Variants in PPM1H observed in about 807,000 individuals in gnomAD.
PPM1H encodes the protein protein phosphatase 1H.
Under a neutral mutation model 54.9 loss-of-function variants are expected in PPM1H, and 27 were observed. The observed-to-expected ratio is 0.49, with a 90% CI of 0.36 to 0.68. The LOEUF is 0.68. Ranked by LOEUF, PPM1H falls within the 30% of genes least tolerant of loss-of-function variation. The pLI is 0.00. For missense variants in PPM1H, 596 were observed against 667.8 expected, an observed-to-expected ratio of 0.89 and a Z score of 1.19; for synonymous variants, 305 against 270.8, an observed-to-expected ratio of 1.13 and a Z score of -1.24.
At chr12:62,933,487 T>C (rs111836943) in intron 1 of PPM1H, among the ~76,000 whole-genome samples, 3 of 152,040 alleles carry the variant, frequency 2.0e-5, no homozygotes, top group Non-Finnish European at 4.4e-5. Context: ...ACCGAGGGGA[T>C]GGGGTTAAAG....
At chr12:62,726,859 T>C (rs896174945) in intron 5 of PPM1H, among the ~76,000 whole-genome samples, 2 of 152,190 alleles carry the variant, frequency 1.3e-5, no homozygotes, top group Non-Finnish European at 2.9e-5. Context: ...CCATAAGCAA[T>C]AAGCCCAAAG....
chr12:62,741,242 T>G (rs1003480876), intron 4 of PPM1H, among the ~76,000 whole-genome samples: 1 of 151,154 alleles, frequency 6.6e-6, no homozygotes, highest in African/African-American at 2.4e-5. Context: ...AGATTTCACC[T>G]CCTCAGCAGC....
At chr12:62,841,423 C>T (rs545610846) in intron 1 of PPM1H, among the ~76,000 whole-genome samples, 56 of 152,282 alleles carry the variant, frequency 3.7e-4, no homozygotes, top group African/African-American at 1.1e-3. Context: ...CAGCCACATT[C>T]GTTCATTTAC....
At chr12:62,654,246 C>T (rs1191543593) in intron 9 of PPM1H, among the ~76,000 whole-genome samples, 1 of 99,974 alleles carries the variant, frequency 1.0e-5, no homozygotes, top group Non-Finnish European at 2.2e-5. Flanking sequence ...AAAAAAGCAA[C>T]ACCTGAAGCA....
chr12:62,684,171 A>C (rs1466110669), intron 8 of PPM1H, among the ~76,000 whole-genome samples: 1 of 152,174 alleles, frequency 6.6e-6, no homozygotes, highest in Non-Finnish European at 1.5e-5. Flanking sequence ...GCTGTTAGGC[A>C]GAAAAAACCA....
chr12:62,884,501 C>CAAAAA (rs6144736), intron 1 of PPM1H, among the ~76,000 whole-genome samples: 39 of 89,644 alleles, frequency 4.4e-4, no homozygotes, highest in Middle Eastern at 5.8e-3. Flanking sequence ...AACTCCATAT[C>CAAAAA]AAAAAAAAAA....
chr12:62,922,956 T>C (rs1011227715), intron 1 of PPM1H, among the ~76,000 whole-genome samples: 1 of 152,208 alleles, frequency 6.6e-6, no homozygotes, highest in Non-Finnish European at 1.5e-5. Context: ...AATGGGAGCA[T>C]AGCAAAGAGA....
Position 62,802,135 on chromosome 12 carries a change from T to C in PPM1H, c.437A>G (p.Tyr146Cys), listed in dbSNP as rs374889057. The C allele has an allele frequency of 3.9e-5, 61 of 1,577,664 alleles. No individual in the cohort carries two copies. In the African/African-American group the frequency reaches 6.8e-4, roughly 17 times the overall value. Reference protein sequence around the residue: ...NSESEGVSCHYWSLFDGHAGS... With the variant: ...NSESEGVSCHCWSLFDGHAGS... ...CGCGTGCCCGTCAAACAGCGACCAA[T>C]AGTGGCAGGAAACACCCTCGGATTC... The change falls in exon 3 of 10, where the codon TAT (tyrosine) becomes TGT (cysteine). Residue 146 changes from tyrosine to cysteine, a missense_variant. By Grantham distance (194) the Tyr-to-Cys change is radical (BLOSUM62 -2). Transcript: ENST00000228705.
intron 6 of PPM1H, among the ~76,000 whole-genome samples, chr12:62,708,544 A>G (rs1266444256): frequency 6.6e-6 from 1 of 152,282 alleles, no homozygotes; most frequent in East Asian, 1.9e-4. Flanking sequence ...TGGACACAGG[A>G]AAATGTTTCC....
At chr12:62,721,627 G>C (rs2076264239) in intron 5 of PPM1H, among the ~76,000 whole-genome samples, 1 of 152,128 alleles carries the variant, frequency 6.6e-6, no homozygotes, top group Admixed American at 6.5e-5. Context: ...AGGAATGAAG[G>C]GAACTAACAC....
intron 5 of PPM1H, among the ~76,000 whole-genome samples, chr12:62,734,894 A>G (rs2076342504): frequency 6.6e-6 from 1 of 152,148 alleles, no homozygotes; most frequent in African/African-American, 2.4e-5. Flanking sequence ...AAAGAAAAAA[A>G]TAATTAGCCA....
At chr12:62,807,228 G>T (rs890021250) in intron 2 of PPM1H, among the ~76,000 whole-genome samples, 1 of 151,696 alleles carries the variant, frequency 6.6e-6, no homozygotes, top group African/African-American at 2.4e-5. Flanking sequence ...TAGCATAAGT[G>T]TAACAAAAAA....
chr12:62,691,182 A>T (rs1476022666), intron 7 of PPM1H, among the ~76,000 whole-genome samples: 1 of 152,186 alleles, frequency 6.6e-6, no homozygotes, highest in African/African-American at 2.4e-5. Context: ...GCATCAAGAC[A>T]GGCGACACAG....
chr12:62,666,647 A>C (rs561686503), intron 9 of PPM1H, among the ~76,000 whole-genome samples: 1 of 152,108 alleles, frequency 6.6e-6, no homozygotes, highest in African/African-American at 2.4e-5. Context: ...CTAAACAAAC[A>C]CTCAAATTCT....
chr12:62,800,570 C>T (rs1200485830), intron 3 of PPM1H, among the ~76,000 whole-genome samples: 1 of 152,132 alleles, frequency 6.6e-6, no homozygotes, highest in East Asian at 1.9e-4. Context: ...AACTCCTGAC[C>T]TTGCGATCCA....
At chr12:62,669,749 T>C (rs1304760850) in intron 8 of PPM1H, among the ~76,000 whole-genome samples, 8 of 151,940 alleles carry the variant, frequency 5.3e-5, no homozygotes, top group Admixed American at 4.6e-4. Flanking sequence ...CTGGGCAACA[T>C]AGTGAGATCC....
At chr12:62,693,557 C>T (rs889510687) in intron 7 of PPM1H, among the ~76,000 whole-genome samples, 1 of 152,220 alleles carries the variant, frequency 6.6e-6, no homozygotes, top group Non-Finnish European at 1.5e-5. Flanking sequence ...GTCCCAGCTG[C>T]CTCGTCTGCC....
intron 1 of PPM1H, among the ~76,000 whole-genome samples, chr12:62,903,366 A>T (rs1379597912): frequency 6.6e-6 from 1 of 152,232 alleles, no homozygotes; most frequent in Non-Finnish European, 1.5e-5. Flanking sequence ...ACAGGAAGTC[A>T]AGCACATGCA....
In PPM1H at chr12:62,737,515, C is replaced by T. The variant is rs748619803; in HGVS notation, c.941G>A (p.Arg314Gln). 11 of 1,576,224 alleles carry T rather than the reference C, an allele frequency of 7.0e-6. No individual in the cohort carries two copies. Among genetic ancestry groups the T allele is most frequent in the East Asian group, 2.3e-5 (1 of 43,550 alleles). Reference protein sequence around the residue: ...SEFTPETERQRLQYLAFMQPH... With the variant: ...SEFTPETERQQLQYLAFMQPH... ...GATGACTCTTACCAGGTACTGAAGT[C>T]GCTGGCGCTCCGTCTCGGGGGTAAA... Residue 314 changes from arginine to glutamine, a missense_variant, in exon 5 of 10, where the codon CGA (arginine) becomes CAA (glutamine). Around this residue, in one of 3 missense-constraint regions of PPM1H, gnomAD observed 208 missense variants for 259.5 expected, o/e 0.80. Coordinates refer to ENST00000228705, the MANE Select transcript of PPM1H (RefSeq NM_020700.2).
Sources: gnomAD v4.1 joint callset for allele counts (sites outside exome capture counted in the v4.1 genomes callset) on GRCh38, gnomAD v4.1.1 for gene constraint, gnomAD v4.1.1 regional missense constraint, MANE v1.5 for transcripts, NCBI Gene and HGNC (gene_info 2026-07-23, HGNC 2026-07-21) for gene names.